B4GALNT3: variants seen among roughly 807,000 people sequenced by gnomAD.
B4GALNT3 encodes beta-1,4-N-acetyl-galactosaminyltransferase 3, also known as beta-1,4-N-acetylgalactosaminyltransferase 3.
In B4GALNT3, 86 loss-of-function variants were observed where a neutral mutation model predicts 120.2. That is an observed-to-expected ratio of 0.72 (90% confidence interval 0.60 to 0.86). The LOEUF is 0.86. Among genes scored for constraint, B4GALNT3 ranks in the 40% least tolerant of loss-of-function variants. The pLI is 0.00. For missense variants in B4GALNT3, 1,167 were observed against 1,298.9 expected (o/e 0.90, Z 1.56); for synonymous variants, 518 against 510.4 (o/e 1.01, Z -0.20).
rs1484024289 is a variant in B4GALNT3, at chr12:552,332, CA to C, written c.1209-134del. On this transcript the variant is annotated intron_variant, in intron 12 of 19. Transcript: ENST00000266383. ...ACACACACACACACACACACACACA[CA>C]CACCCGCTCACCAGCCTCCTTCCTC... The C allele has an allele frequency of 1.1e-4, 99 of 908,524 alleles. 1 individual carries two copies. Among genetic ancestry groups the C allele is most frequent in the East Asian group, 6.0e-4 (24 of 39,716 alleles). 56.3% of individuals were successfully genotyped at this position (908,524 alleles called of 1,614,324 possible).
rs747780907 is a variant in B4GALNT3, at chr12:553,142, T to C, written c.1271-52T>C. 17 of 1,588,256 alleles carry C rather than the reference T, an allele frequency of 1.1e-5. No individual in the cohort carries two copies. The Admixed American group carries it at 1.4e-4, about 13-fold the overall frequency. ...TCATCCTCTGTCTTGTATGTCTTGT[T>C]TGGAAAGGGTTGGAAACTCTTGACA... On this transcript the variant is annotated intron_variant, in intron 13 of 19. Coordinates refer to ENST00000266383, the MANE Select transcript of B4GALNT3 (RefSeq NM_173593.4).
At chr12:546,743 G>A (rs1947012490) in intron 7 of B4GALNT3, 30 bp downstream of exon 7, 1 of 1,544,936 alleles carries the variant, frequency 6.5e-7, no homozygotes, top group South Asian at 1.2e-5. Flanking sequence ...GGCGCTGTGG[G>A]CGCCTCGGTG....
intron 1 of B4GALNT3, among the ~76,000 whole-genome samples, chr12:490,554 A>G (rs1241140793): frequency 6.6e-6 from 1 of 151,900 alleles, no homozygotes; most frequent in Non-Finnish European, 1.5e-5. Flanking sequence ...CCTGGGCAAA[A>G]CCCCATCTCT....
At chr12:511,599 TTCC>T in intron 1 of B4GALNT3, among the ~76,000 whole-genome samples, 1 of 141,244 alleles carries the variant, frequency 7.1e-6, no homozygotes, top group Non-Finnish European at 1.5e-5. Context: ...ACCTTCCGCC[TTCC>T]ACCTTCGACC....
chr12:482,720 G>A (rs537252254), intron 1 of B4GALNT3, among the ~76,000 whole-genome samples: 2 of 152,128 alleles, frequency 1.3e-5, no homozygotes, highest in Non-Finnish European at 2.9e-5. Context: ...ATGCAGCCAG[G>A]CACCGTGGCA....
chr12:478,533 A>G (rs1259927712), intron 1 of B4GALNT3, among the ~76,000 whole-genome samples: 1 of 152,236 alleles, frequency 6.6e-6, no homozygotes, highest in African/African-American at 2.4e-5. Context: ...TACCCAAGGT[A>G]CTTGTTAATA....
In B4GALNT3 at chr12:545,023, T is replaced by A. The variant is rs777715517; in HGVS notation, c.538+51T>A. The A allele has an allele frequency of 9.4e-6, 15 of 1,596,296 alleles. No individual in the cohort carries two copies. The Admixed American group carries it at 2.2e-4, about 24-fold the overall frequency. On this transcript the variant is annotated intron_variant, in intron 5 of 19. Transcript: ENST00000266383. ...CTTCTTCCTGCTCTAGAGTTCTGCA[T>A]CGGACCCAAAGAACATAAGATAAGG...
intron 4 of B4GALNT3, 74 bp downstream of exon 4, chr12:544,508 T>C (rs1036263871): frequency 1.1e-5 from 14 of 1,323,868 alleles, no homozygotes; most frequent in Non-Finnish European, 1.5e-5. Flanking sequence ...CTCTCATCTT[T>C]CCTTACATCT....
chr12:558,476 G>A, intron 17 of B4GALNT3, 32 bp from the exon 18 acceptor site: 1 of 1,606,950 alleles, frequency 6.2e-7, no homozygotes, highest in Non-Finnish European at 8.5e-7. Context: ...TGGTCTGCAG[G>A]GTCTGCTGAC....
chr12:549,278 C>T (rs542765681), intron 9 of B4GALNT3, among the ~76,000 whole-genome samples: 48 of 152,258 alleles, frequency 3.2e-4, no homozygotes, highest in Non-Finnish European at 5.0e-4. Context: ...CTTGGCCACC[C>T]GTCTGTTGTA....
chr12:480,926 C>T (rs545686894), intron 1 of B4GALNT3, among the ~76,000 whole-genome samples: 1 of 152,342 alleles, frequency 6.6e-6, no homozygotes, highest in South Asian at 2.1e-4. Context: ...ACCAGTCCCT[C>T]TCAGCCTTGC....
chr12:511,180 C>T (rs1946546204), intron 1 of B4GALNT3, among the ~76,000 whole-genome samples: 1 of 151,420 alleles, frequency 6.6e-6, no homozygotes, highest in South Asian at 2.1e-4. Context: ...AGGCGTGTGC[C>T]ACCACGCTCG....
chr12:493,791 A>T (rs1004818429), intron 1 of B4GALNT3, among the ~76,000 whole-genome samples: 7 of 151,676 alleles, frequency 4.6e-5, no homozygotes, highest in African/African-American at 9.7e-5. Context: ...GAGGCAGTTT[A>T]AAAAAAATGA....
intron 1 of B4GALNT3, among the ~76,000 whole-genome samples, chr12:514,202 T>TG (rs1362228001): frequency 6.7e-6 from 1 of 150,088 alleles, no homozygotes; most frequent in South Asian, 2.1e-4. Flanking sequence ...GTTTTTGTTT[T>TG]TTTTTTTTTT....
chr12:525,852 C>G (rs1328476669), intron 1 of B4GALNT3, among the ~76,000 whole-genome samples: 1 of 152,216 alleles, frequency 6.6e-6, no homozygotes, highest in East Asian at 1.9e-4. Context: ...CTTACAGAGT[C>G]AGGGTTTTCC....
chr12:536,170 T>C, intron 2 of B4GALNT3, 48 bp from the exon 3 acceptor site: 1 of 1,532,716 alleles, frequency 6.5e-7, no homozygotes, highest in Non-Finnish European at 9.0e-7. Context: ...TGCCCGTAGC[T>C]TCTCATCCTA....
intron 17 of B4GALNT3, 130 bp downstream of exon 17, chr12:558,218 C>A: frequency 2.9e-6 from 3 of 1,041,436 alleles, no homozygotes; most frequent in South Asian, 1.4e-5. Context: ...GTCCTCTCTG[C>A]TGTGCTGCAG....
intron 1 of B4GALNT3, among the ~76,000 whole-genome samples, chr12:488,609 C>T (rs1379057703): frequency 2.0e-5 from 3 of 151,944 alleles, no homozygotes; most frequent in Non-Finnish European, 4.4e-5. Context: ...AGTGGATGTC[C>T]CAGCCTGGGC....
Position 460,273 on chromosome 12 carries a change from C to A in B4GALNT3, c.-104C>A, listed in dbSNP as rs1377171919. Reference sequence around the variant, plus strand: ...AGACGGCCTCGGCGCAGCCCTGAGACGCTGGGCCGGGACGCGGGGCGCCCT... The same window carrying A: ...AGACGGCCTCGGCGCAGCCCTGAGAAGCTGGGCCGGGACGCGGGGCGCCCT... On this transcript the variant is annotated 5_prime_UTR_variant, in exon 1 of 20. Transcript: ENST00000266383. The surrounding 1 kb of genome is among the most constrained non-coding windows in gnomAD (Gnocchi z 8.0). 6 of 858,460 alleles carry A rather than the reference C, an allele frequency of 7.0e-6. No individual in the cohort carries two copies. The South Asian group carries it at 3.2e-4, about 45-fold the overall frequency. The allele number at this position is 858,460 out of a possible 1,614,324, so 53.2% of individuals were successfully genotyped here.
Sources: gnomAD v4.1 joint callset for allele counts (sites outside exome capture counted in the v4.1 genomes callset) on GRCh38, gnomAD v4.1.1 for gene constraint, Gnocchi (gnomAD v3.1) non-coding constraint, MANE v1.5 for transcripts, NCBI Gene and HGNC (gene_info 2026-07-23, HGNC 2026-07-21) for gene names.